Variants in PIAS1 observed in about 807,000 individuals in gnomAD.
The protein encoded by PIAS1 is protein inhibitor of activated STAT 1.
A neutral mutation model predicts 71.3 loss-of-function variants in PIAS1; 6 were observed. The observed-to-expected ratio is 0.08, with a 90% CI of 0.05 to 0.17. PIAS1 has a LOEUF of 0.17. PIAS1 is among the 10% of genes least tolerant of loss of function. PIAS1 has a pLI of 1.00. For missense variants in PIAS1, 555 were observed against 793.6 expected, an observed-to-expected ratio of 0.70 and a Z score of 3.61; for synonymous variants, 303 against 292.9, an observed-to-expected ratio of 1.03 and a Z score of -0.35.
intron 12 of PIAS1, among the ~76,000 whole-genome samples, chr15:68,182,656 G>T (rs910352384): frequency 4.6e-5 from 7 of 152,292 alleles, no homozygotes; most frequent in Middle Eastern, 6.8e-3. Flanking sequence ...CCGACCTCAG[G>T]TGATTCGCCT....
chr15:68,188,920 T>C lies in PIAS1; in HGVS notation c.*1085T>C, dbSNP rs1228644687. ...TAAAAAAGAAAGATACACGGTCAGT[T>C]ATCCTAAAAATAAATTGTTTGGAAA... On this transcript the variant is annotated 3_prime_UTR_variant, in exon 14 of 14. Transcript: ENST00000249636. 1 of 152,226 alleles carries C rather than the reference T, an allele frequency of 6.6e-6. No homozygotes were observed. The highest frequency in any genetic ancestry group is 2.4e-5 in the African/African-American group (1 of 41,468). The allele number at this position is 152,226 out of a possible 1,614,324, so 9.4% of individuals were successfully genotyped here.
intron 1 of PIAS1, among the ~76,000 whole-genome samples, chr15:68,066,073 T>C (rs2092021373): frequency 6.6e-6 from 1 of 151,392 alleles, no homozygotes; most frequent in Admixed American, 6.6e-5. Context: ...TTGTAATCAG[T>C]AATGGTGTGG....
chr15:68,164,932 A>G (rs1046241467), intron 8 of PIAS1, 128 bp downstream of exon 8: 6 of 575,870 alleles, frequency 1.0e-5, no homozygotes, highest in Non-Finnish European at 1.9e-5. Flanking sequence ...CAGTTTATGA[A>G]AAGTGGAAAG....
At chr15:68,076,073 C>T (rs1216427131) in intron 1 of PIAS1, among the ~76,000 whole-genome samples, 8 of 152,024 alleles carry the variant, frequency 5.3e-5, no homozygotes, top group Non-Finnish European at 1.0e-4. Flanking sequence ...CGTGAGCCAC[C>T]GCTCCTGGCC....
chr15:68,180,987 C>A (rs2093050501), intron 11 of PIAS1, among the ~76,000 whole-genome samples: 1 of 152,122 alleles, frequency 6.6e-6, no homozygotes, highest in South Asian at 2.1e-4. Flanking sequence ...TGTTGGATAC[C>A]ATTGCATCTG....
At chr15:68,083,094 T>A (rs2092243740) in intron 1 of PIAS1, among the ~76,000 whole-genome samples, 1 of 150,810 alleles carries the variant, frequency 6.6e-6, no homozygotes, top group African/African-American at 2.4e-5. Context: ...AGTAATGATT[T>A]CTAATAGTAG....
intron 2 of PIAS1, among the ~76,000 whole-genome samples, chr15:68,111,973 A>G (rs144531432): frequency 1.3e-5 from 2 of 152,190 alleles, no homozygotes; most frequent in African/African-American, 2.4e-5. Flanking sequence ...TTCTCTTACT[A>G]CATACTTCCA....
chr15:68,137,427 G>T (rs1463277499), intron 2 of PIAS1, among the ~76,000 whole-genome samples: 1 of 152,114 alleles, frequency 6.6e-6, no homozygotes, highest in Non-Finnish European at 1.5e-5. Flanking sequence ...AGTTTGATAT[G>T]AGAATGACTG....
chr15:68,131,725 T>C (rs1034458043), intron 2 of PIAS1, among the ~76,000 whole-genome samples: 2 of 152,182 alleles, frequency 1.3e-5, no homozygotes, highest in Non-Finnish European at 2.9e-5. Context: ...GTATACTTAT[T>C]TAGGACCACA....
Position 68,187,694 on chromosome 15 carries a change from T to C in PIAS1, c.1815T>C (p.Asn605=), listed in dbSNP as rs940993621. 6.2e-7 allele frequency: 1 copy of C among 1,613,962 alleles called. No homozygotes were observed. Among genetic ancestry groups the C allele is most frequent in the Non-Finnish European group, 8.5e-7 (1 of 1,179,888 alleles). The part of the protein sequence containing the change: ...AGGSTSLPTT[N]GSSSGSNSSL... ...GCAGTACTTCTCTGCCAACCACCAA[T>C]GGAAGCAGTAGTGGCAGTAACAGCA... The change falls in exon 14 of 14, where the codon AAT becomes AAC. Residue 605 remains asparagine (N), a synonymous_variant. Coordinates refer to ENST00000249636, the MANE Select transcript of PIAS1 (RefSeq NM_016166.3). The surrounding 1 kb of genome is among the most constrained non-coding windows in gnomAD (Gnocchi z 5.3).
chr15:68,125,650 C>G (rs912138493), intron 2 of PIAS1, among the ~76,000 whole-genome samples: 1 of 151,846 alleles, frequency 6.6e-6, no homozygotes, highest in African/African-American at 2.4e-5. Context: ...TTTCCATTGC[C>G]TTCTAATTAT....
intron 1 of PIAS1, among the ~76,000 whole-genome samples, chr15:68,072,174 G>A (rs1358057359): frequency 6.6e-6 from 1 of 151,382 alleles, no homozygotes; most frequent in Non-Finnish European, 1.5e-5. Context: ...TGAGATGGGC[G>A]GATCATGAGG....
intron 2 of PIAS1, among the ~76,000 whole-genome samples, chr15:68,137,630 A>G (rs2092742785): frequency 6.6e-6 from 1 of 152,136 alleles, no homozygotes; most frequent in African/African-American, 2.4e-5. Flanking sequence ...ATTGAGTTCC[A>G]GTTCTGAGTT....
chr15:68,161,866 G>T (rs2092926637), intron 7 of PIAS1, among the ~76,000 whole-genome samples: 1 of 118,876 alleles, frequency 8.4e-6, no homozygotes, highest in Admixed American at 8.8e-5. Flanking sequence ...GGATGCAGAG[G>T]CTGCAGTCAA....
intron 11 of PIAS1, 66 bp from the exon 12 acceptor site, chr15:68,181,146 C>T: frequency 6.8e-7 from 1 of 1,468,014 alleles, no homozygotes; most frequent in Non-Finnish European, 9.4e-7. Context: ...GATACAACCC[C>T]TTTTTTTGTT....
At chr15:68,145,968 C>G (rs2092805033) in intron 5 of PIAS1, 62 bp downstream of exon 5, 2 of 945,302 alleles carry the variant, frequency 2.1e-6, no homozygotes, top group Non-Finnish European at 3.4e-6. Context: ...TAAGTCATCA[C>G]AACTGTTGTT....
chr15:68,073,085 G>T (rs547827913), intron 1 of PIAS1, among the ~76,000 whole-genome samples: 1 of 151,936 alleles, frequency 6.6e-6, no homozygotes, highest in African/African-American at 2.4e-5. Flanking sequence ...GCGCAATCTC[G>T]GCCCACTGCA....
intron 7 of PIAS1, among the ~76,000 whole-genome samples, chr15:68,161,956 TTGA>T (rs1357101581): frequency 2.6e-5 from 4 of 151,646 alleles, no homozygotes; most frequent in African/African-American, 9.7e-5. Flanking sequence ...CTTGTCGTTG[TTGA>T]GACAGGATCT....
At chr15:68,064,223 C>T (rs1433345069) in intron 1 of PIAS1, among the ~76,000 whole-genome samples, 1 of 152,084 alleles carries the variant, frequency 6.6e-6, no homozygotes, top group Non-Finnish European at 1.5e-5. Flanking sequence ...CCTGTCACTA[C>T]AGGGAAAACA....
Sources: allele counts gnomAD v4.1 joint callset (sites outside exome capture counted in the v4.1 genomes callset), GRCh38; gene constraint gnomAD v4.1.1; non-coding constraint Gnocchi (gnomAD v3.1); transcripts MANE v1.5; gene names NCBI Gene and HGNC (gene_info 2026-07-23, HGNC 2026-07-21).